NUP205: variants seen among roughly 807,000 people sequenced by gnomAD.
The protein encoded by NUP205 is nucleoporin 205.
A neutral mutation model predicts 253.8 loss-of-function variants in NUP205; 76 were observed. That is an observed-to-expected ratio of 0.30 (90% CI 0.25 to 0.36). The LOEUF (loss-of-function observed/expected upper bound fraction) is 0.36, where lower values mean the gene tolerates loss of function less well. NUP205 is among the 10% of genes least tolerant of loss of function. The pLI is 1.00. For synonymous variants in NUP205, 832 were observed against 850.1 expected, an observed-to-expected ratio of 0.98 and a Z score of 0.37; for missense variants, 2,162 against 2,425.5, an observed-to-expected ratio of 0.89 and a Z score of 2.28.
At chr7:135,574,322 G>T (rs1215309864) in intron 3 of NUP205, among the ~76,000 whole-genome samples, 1 of 152,140 alleles carries the variant, frequency 6.6e-6, no homozygotes, top group East Asian at 1.9e-4. Flanking sequence ...TAAAAAATAA[G>T]ATGATTTCAA....
At chr7:135,570,016 T>G (rs1805898266) in intron 1 of NUP205, among the ~76,000 whole-genome samples, 1 of 137,864 alleles carries the variant, frequency 7.3e-6, no homozygotes, top group Admixed American at 7.7e-5. Flanking sequence ...TTGAAGCAGA[T>G]GGTGTTTATG....
intron 8 of NUP205, among the ~76,000 whole-genome samples, chr7:135,587,053 A>G (rs1207506548): frequency 2.0e-5 from 3 of 147,762 alleles, no homozygotes; most frequent in Admixed American, 1.3e-4. Flanking sequence ...TTGTCTAGCT[A>G]TGTTTTTTTT....
rs74492985 is a variant in NUP205 at position 135,580,020 on chromosome 7, A to C, written c.1042+1105A>C. Among the ~76,000 whole-genome samples the C allele has an allele frequency of 2.8e-3, 433 of 152,264 alleles. 9 individuals carry two copies. The East Asian group carries it at 0.051, about 18-fold the overall frequency. On this transcript the variant is annotated intron_variant, in intron 7 of 42. Coordinates refer to ENST00000285968, the MANE Select transcript of NUP205 (RefSeq NM_015135.3). ...CTGCTATTTACATTTACATTATTTAATTGTCATATTAGTAGGGGTTTATTC... is the reference window on the plus strand; with the variant it reads ...CTGCTATTTACATTTACATTATTTACTTGTCATATTAGTAGGGGTTTATTC...
intron 23 of NUP205, among the ~76,000 whole-genome samples, chr7:135,615,671 A>T (rs1190092187): frequency 6.6e-6 from 1 of 152,110 alleles, no homozygotes; most frequent in African/African-American, 2.4e-5. Flanking sequence ...TGAAAACTTG[A>T]TTCTCTTTTA....
intron 6 of NUP205, 104 bp downstream of exon 6, chr7:135,578,128 T>A: frequency 1.3e-6 from 1 of 745,846 alleles, no homozygotes; most frequent in Non-Finnish European, 2.2e-6. Context: ...TAGTCTGCTC[T>A]GTTCCTGTGT....
chr7:135,636,035 A>T (rs1374399257), intron 36 of NUP205, among the ~76,000 whole-genome samples: 1 of 150,832 alleles, frequency 6.6e-6, no homozygotes, highest in Non-Finnish European at 1.5e-5. Flanking sequence ...CCACGAGCAG[A>T]CTGTTTGCCC....
chr7:135,592,455 C>T (rs564998153), intron 11 of NUP205, among the ~76,000 whole-genome samples: 1 of 152,326 alleles, frequency 6.6e-6, no homozygotes, highest in Admixed American at 6.5e-5. Context: ...TGGGCAGTAG[C>T]CCCTTTCTTG....
intron 42 of NUP205, among the ~76,000 whole-genome samples, chr7:135,646,637 G>A (rs1795016590): frequency 6.6e-6 from 1 of 152,192 alleles, no homozygotes; most frequent in Non-Finnish European, 1.5e-5. Context: ...AAGTAAGTAA[G>A]TAAAAAGGAA....
intron 22 of NUP205, among the ~76,000 whole-genome samples, chr7:135,608,700 C>G (rs925563704): frequency 4.0e-5 from 6 of 151,832 alleles, no homozygotes; most frequent in African/African-American, 1.5e-4. Flanking sequence ...AAGTGAGACT[C>G]TGTCTCAAAA....
At chr7:135,593,908 T>C (rs1793757594) in intron 12 of NUP205, among the ~76,000 whole-genome samples, 1 of 152,202 alleles carries the variant, frequency 6.6e-6, no homozygotes, top group Non-Finnish European at 1.5e-5. Flanking sequence ...TCTATAGCAC[T>C]ACAGGGTGAA....
intron 1 of NUP205, among the ~76,000 whole-genome samples, chr7:135,558,871 C>G (rs1272369736): frequency 6.6e-6 from 1 of 152,160 alleles, no homozygotes; most frequent in South Asian, 2.1e-4. Context: ...GAGAATCTCA[C>G]TTAAAAGGAC....
intron 22 of NUP205, 113 bp downstream of exon 22, chr7:135,607,484 T>C: frequency 8.5e-7 from 1 of 1,173,060 alleles, no homozygotes; most frequent in Non-Finnish European, 1.2e-6. Context: ...TGAGTTCATT[T>C]AGCAATTTGA....
rs1563109800 is a variant in NUP205 at position 135,570,654 on chromosome 7, T to TATTATATTAATATAATTAATATATATTA, written c.29-430_29-403dup. Among the ~76,000 whole-genome samples, 28 of 127,770 alleles carry TATTATATTAATATAATTAATATATATTA rather than the reference T, an allele frequency of 2.2e-4. No homozygotes were observed. In the South Asian group the frequency reaches 3.2e-3, roughly 15 times the overall value. 83.8% of individuals were successfully genotyped at this position (127,770 alleles called of 152,430 possible). On this transcript the variant is annotated intron_variant, in intron 1 of 42. Coordinates refer to ENST00000285968, the MANE Select transcript of NUP205 (RefSeq NM_015135.3). ...GATATTTATATAATTAGCAATCATTTATTATATTAATATAATTAATATATA... is the reference window on the plus strand; with the variant it reads ...GATATTTATATAATTAGCAATCATTTATTATATTAATATAATTAATATATATTAATTATATTAATATAATTAATATATA...
At chr7:135,599,647 T>G (rs1469459853) in intron 15 of NUP205, among the ~76,000 whole-genome samples, 1 of 152,208 alleles carries the variant, frequency 6.6e-6, no homozygotes, top group Non-Finnish European at 1.5e-5. Flanking sequence ...AGAGCATTAG[T>G]TAGCCATATT....
Position 135,591,726 on chromosome 7 carries a change from A to T in NUP205, c.1624+126A>T. 3.9e-6 allele frequency: 3 copies of T among 761,092 alleles called. No homozygotes were observed. In the South Asian group the frequency reaches 5.8e-5, roughly 15 times the overall value. The allele number at this position is 761,092 out of a possible 1,614,324, so 47.1% of individuals were successfully genotyped here. A position where few individuals can be genotyped will look rare whatever the true frequency, so the allele number is the denominator to read the frequency against. Reference sequence around the variant, plus strand: ...CAGAGGTATAAATTATTTTCATAACAATAGGGTGAAGGAAGCATGCATACA... The same window carrying T: ...CAGAGGTATAAATTATTTTCATAACTATAGGGTGAAGGAAGCATGCATACA... On this transcript the variant is annotated intron_variant, in intron 11 of 42. Coordinates refer to ENST00000285968, the MANE Select transcript of NUP205 (RefSeq NM_015135.3).
At chr7:135,625,385 T>C in intron 32 of NUP205, 30 bp downstream of exon 32, 3 of 1,514,680 alleles carry the variant, frequency 2.0e-6, no homozygotes, top group Non-Finnish European at 2.7e-6. Context: ...TGATGTTAGA[T>C]CAAGAAGTCG....
Position 135,587,931 on chromosome 7 carries a change from A to G in NUP205, c.1412A>G (p.Gln471Arg), listed in dbSNP as rs904996885. 1.2e-6 allele frequency: 2 copies of G among 1,614,044 alleles called. No homozygotes were observed. Among genetic ancestry groups the G allele is most frequent in the Non-Finnish European group, 1.7e-6 (2 of 1,179,954 alleles). ...LEYWCPTEPLQTPTIMGSYLG... is the reference protein window; with the variant it reads ...LEYWCPTEPLRTPTIMGSYLG... ...TATTGGTGTCCCACAGAGCCTCTTC[A>G]GACTCCGACTATCATGGGCTCTTAT... The change falls in exon 10 of 43, where the codon CAG becomes CGG. Residue 471 changes from glutamine to arginine, a missense_variant. Physicochemically the swap from Gln to Arg is conservative, Grantham distance 43 (BLOSUM62 1). Coordinates refer to ENST00000285968, the MANE Select transcript of NUP205 (RefSeq NM_015135.3).
chr7:135,599,364 T>C (rs1277776899), intron 15 of NUP205, among the ~76,000 whole-genome samples: 2 of 152,190 alleles, frequency 1.3e-5, no homozygotes, highest in East Asian at 3.9e-4. Flanking sequence ...TTTTTTTTTG[T>C]CAATTGCATT....
At position 135,624,330 on chromosome 7, in the gene NUP205, T is replaced by TA. The variant is rs946172525; in HGVS notation, c.4480-833dup. On this transcript the variant is annotated intron_variant, in intron 31 of 42. Coordinates refer to ENST00000285968, the MANE Select transcript of NUP205 (RefSeq NM_015135.3). ...AATTCTCCTGCCTCAGCCTCCCGAG[T>TA]AGCTGGGATTACAGGCATGCACCAC... Among the ~76,000 whole-genome samples, 120 of 150,128 alleles carry TA rather than the reference T, an allele frequency of 8.0e-4. 4 individuals are homozygous for TA. The highest frequency in any genetic ancestry group is 4.3e-4 in the Non-Finnish European group (29 of 67,780).
Sources: allele counts gnomAD v4.1 joint callset (sites outside exome capture counted in the v4.1 genomes callset), GRCh38; gene constraint gnomAD v4.1.1; transcripts MANE v1.5; gene names NCBI Gene and HGNC (gene_info 2026-07-23, HGNC 2026-07-21).